Variants in AGBL3 observed in about 807,000 individuals in gnomAD.
AGBL3 encodes the protein AGBL carboxypeptidase 3, also known as cytosolic carboxypeptidase 3.
In AGBL3, 68 loss-of-function variants were observed where a neutral mutation model predicts 94.5. The ratio of observed to expected loss-of-function variants is 0.72; its 90% CI spans 0.59 to 0.88. The LOEUF (loss-of-function observed/expected upper bound fraction) is 0.88. AGBL3 is among the 40% of genes least tolerant of loss of function. The probability of loss-of-function intolerance (pLI) is 0.00; values close to 1 mark genes in which losing one functional copy is unlikely to be tolerated. For missense variants in AGBL3, 934 were observed against 1,103.8 expected (o/e 0.85, Z 2.18); for synonymous variants, 354 against 370.7 (o/e 0.95, Z 0.52).
At chr7:135,030,604 G>T (rs189709055) in intron 5 of AGBL3, among the ~76,000 whole-genome samples, 3 of 152,192 alleles carry the variant, frequency 2.0e-5, no homozygotes, top group African/African-American at 7.2e-5. Flanking sequence ...GGATCCATAG[G>T]TTAGTAGGGG....
At chr7:135,111,053 C>T (rs1825566956) in intron 15 of AGBL3, among the ~76,000 whole-genome samples, 1 of 152,164 alleles carries the variant, frequency 6.6e-6, no homozygotes. Context: ...TCTCTCCTAC[C>T]TAACATCTCC....
intron 9 of AGBL3, 115 bp from the exon 10 acceptor site, chr7:135,045,359 T>C (rs1817258804): frequency 1.2e-6 from 1 of 832,812 alleles, no homozygotes; most frequent in South Asian, 1.7e-5. Flanking sequence ...GAAAAAAATC[T>C]AAAGGATAGG....
chr7:135,115,372 C>T lies in AGBL3; in HGVS notation c.2111-8C>T. 1 of 1,526,958 alleles carries T rather than the reference C, an allele frequency of 6.5e-7. No homozygotes were observed. Among genetic ancestry groups the T allele is most frequent in the Non-Finnish European group, 8.9e-7 (1 of 1,128,494 alleles). The allele number at this position is 1,526,958 out of a possible 1,614,324, so 94.6% of individuals were successfully genotyped here. ...ATCTCTGTACATATTTTTGTGGTTG[C>T]TCCCCAGATCTGCACCACAACTTAA... is the stretch of plus-strand genomic sequence containing the variant. On this transcript the variant is annotated splice_region_variant and splice_polypyrimidine_tract_variant and intron_variant, in intron 15 of 16. Transcript: ENST00000436302.
intron 5 of AGBL3, among the ~76,000 whole-genome samples, chr7:135,024,611 G>A (rs1480862226): frequency 6.6e-6 from 1 of 152,124 alleles, no homozygotes; most frequent in African/African-American, 2.4e-5. Context: ...CTCCAAATGA[G>A]CACACTAGCT....
At chr7:135,023,063 A>G (rs192219445) in intron 5 of AGBL3, among the ~76,000 whole-genome samples, 1 of 152,344 alleles carries the variant, frequency 6.6e-6, no homozygotes, top group East Asian at 1.9e-4. Context: ...ACTATCTTCA[A>G]ATAATGTTAT....
intron 5 of AGBL3, among the ~76,000 whole-genome samples, chr7:135,017,993 T>TA (rs1205147137): frequency 6.6e-6 from 1 of 152,156 alleles, no homozygotes; most frequent in Non-Finnish European, 1.5e-5. Flanking sequence ...AAAACTAAAA[T>TA]AATTGAGATG....
At chr7:135,134,209 G>A (rs1158088900) in intron 16 of AGBL3, among the ~76,000 whole-genome samples, 1 of 151,988 alleles carries the variant, frequency 6.6e-6, no homozygotes, top group Admixed American at 6.6e-5. Flanking sequence ...GGGAAATTGG[G>A]TGAAGAGTTC....
intron 4 of AGBL3, among the ~76,000 whole-genome samples, chr7:135,015,614 C>A (rs1369796667): frequency 2.0e-5 from 3 of 149,454 alleles, no homozygotes; most frequent in Admixed American, 6.7e-5. Flanking sequence ...GATAGGGTTT[C>A]ATGGTTCTTT....
intron 15 of AGBL3, among the ~76,000 whole-genome samples, chr7:135,096,775 G>GA (rs1554516788): frequency 6.7e-6 from 1 of 148,540 alleles, no homozygotes; most frequent in African/African-American, 2.5e-5. Context: ...AAGAAAGAAA[G>GA]AAAGAAAGAA....
chr7:135,096,509 C>CAA (rs1229064145), intron 15 of AGBL3, among the ~76,000 whole-genome samples: 7 of 121,760 alleles, frequency 5.7e-5, no homozygotes, highest in African/African-American at 2.1e-4. Flanking sequence ...AGAACATCAC[C>CAA]AAAAAAGAAA....
At chr7:135,058,459 T>C (rs571078528) in intron 11 of AGBL3, among the ~76,000 whole-genome samples, 8 of 152,178 alleles carry the variant, frequency 5.3e-5, no homozygotes, top group East Asian at 1.9e-4. Context: ...AGAATGGATA[T>C]AGTGATATAA....
At chr7:135,028,688 T>C (rs1299514396) in intron 5 of AGBL3, among the ~76,000 whole-genome samples, 1 of 152,218 alleles carries the variant, frequency 6.6e-6, no homozygotes, top group Non-Finnish European at 1.5e-5. Context: ...CCTCCTCCCA[T>C]GAATTACTAG....
chr7:135,033,289 T>C (rs548063944), intron 6 of AGBL3, among the ~76,000 whole-genome samples: 41 of 152,334 alleles, frequency 2.7e-4, no homozygotes, highest in African/African-American at 8.9e-4. Context: ...GAGTGTTCCA[T>C]AGAATATCCC....
chr7:135,004,904 TA>T (rs1385746274), intron 4 of AGBL3, among the ~76,000 whole-genome samples: 1 of 151,594 alleles, frequency 6.6e-6, no homozygotes, highest in Non-Finnish European at 1.5e-5. Flanking sequence ...AAATTTTTTT[TA>T]TAAATCGGAT....
At chr7:135,035,078 G>A in intron 7 of AGBL3, 150 bp downstream of exon 7, 1 of 709,416 alleles carries the variant, frequency 1.4e-6, no homozygotes, top group South Asian at 3.3e-5. Flanking sequence ...ATTCACAACT[G>A]TGATTCTATA....
chr7:134,990,115 A>G (rs1810042021), intron 3 of AGBL3, among the ~76,000 whole-genome samples: 1 of 152,200 alleles, frequency 6.6e-6, no homozygotes, highest in Admixed American at 6.5e-5. Context: ...TAGGCTTATT[A>G]TCTACTCATA....
chr7:135,089,217 A>G (rs1035818183), intron 15 of AGBL3, among the ~76,000 whole-genome samples: 1 of 151,712 alleles, frequency 6.6e-6, no homozygotes, highest in African/African-American at 2.4e-5. Flanking sequence ...CTTTTTTATT[A>G]TATCTATTTA....
At chr7:135,078,452 C>G (rs1413107448) in intron 13 of AGBL3, among the ~76,000 whole-genome samples, 1 of 151,696 alleles carries the variant, frequency 6.6e-6, no homozygotes, top group Non-Finnish European at 1.5e-5. Flanking sequence ...ATTGTTACCC[C>G]TGTGTTAAGT....
At chr7:134,986,860 C>T (rs945206662) in intron 1 of AGBL3, among the ~76,000 whole-genome samples, 159 bp downstream of exon 1, 2 of 152,268 alleles carry the variant, frequency 1.3e-5, no homozygotes, top group African/African-American at 4.8e-5. Context: ...CGCCTTGGTA[C>T]TGTCGGGACG....
Sources: gnomAD v4.1 joint callset for allele counts (sites outside exome capture counted in the v4.1 genomes callset) on GRCh38, gnomAD v4.1.1 for gene constraint, MANE v1.5 for transcripts, NCBI Gene and HGNC (gene_info 2026-07-23, HGNC 2026-07-21) for gene names.